Variants in SCFD1 observed in about 807,000 individuals in gnomAD.
SCFD1 encodes the protein sec1 family domain-containing protein 1.
SCFD1 carries 37 observed loss-of-function variants against 103.2 expected under a neutral mutation model. That is an observed-to-expected ratio of 0.36 (90% confidence interval 0.28 to 0.47). The LOEUF (loss-of-function observed/expected upper bound fraction) is 0.47. SCFD1 is among the 20% of genes least tolerant of loss of function. SCFD1 has a pLI of 1.00. For synonymous variants in SCFD1, 264 were observed against 245.0 expected, an observed-to-expected ratio of 1.08 and a Z score of -0.73; for missense variants, 639 against 761.2, an observed-to-expected ratio of 0.84 and a Z score of 1.89.
chr14:30,691,600 G>C (rs1890305636), intron 14 of SCFD1, among the ~76,000 whole-genome samples: 1 of 152,172 alleles, frequency 6.6e-6, no homozygotes, highest in African/African-American at 2.4e-5. Flanking sequence ...TAACAGCTTT[G>C]TTGAGATGTA....
At chr14:30,631,641 A>G (rs894828776) in intron 3 of SCFD1, among the ~76,000 whole-genome samples, 1 of 152,210 alleles carries the variant, frequency 6.6e-6, no homozygotes, top group Non-Finnish European at 1.5e-5. Context: ...TAATCACCAT[A>G]GTGGGCTATC....
intron 23 of SCFD1, among the ~76,000 whole-genome samples, chr14:30,733,071 T>G (rs1184228049): frequency 6.6e-6 from 1 of 151,580 alleles, no homozygotes; most frequent in Non-Finnish European, 1.5e-5. Flanking sequence ...AGTGGCGCAG[T>G]CTTGGCTCAC....
chr14:30,648,100 A>C (rs1886028007), intron 7 of SCFD1, among the ~76,000 whole-genome samples: 1 of 152,248 alleles, frequency 6.6e-6, no homozygotes. Context: ...ACACAGACTT[A>C]GTAGATTATA....
chr14:30,705,692 G>A (rs147225333), intron 17 of SCFD1, 131 bp from the exon 18 acceptor site: 6,930 of 643,490 alleles, frequency 0.011, 57 homozygotes, highest in Non-Finnish European at 0.015. Context: ...ACTTGTATTC[G>A]TTGAAAAATT....
chr14:30,724,448 AC>A (rs1892901819), intron 23 of SCFD1, among the ~76,000 whole-genome samples: 1 of 151,602 alleles, frequency 6.6e-6, no homozygotes, highest in South Asian at 2.1e-4. Context: ...ACACGGAGTT[AC>A]ACCACGTTGG....
chr14:30,633,000 T>G (rs1884336402), intron 3 of SCFD1, among the ~76,000 whole-genome samples: 1 of 152,204 alleles, frequency 6.6e-6, no homozygotes, highest in African/African-American at 2.4e-5. Flanking sequence ...TCTCCTCTAT[T>G]TGCTGGAGAA....
At chr14:30,729,271 TTTC>T (rs1466687366) in intron 23 of SCFD1, among the ~76,000 whole-genome samples, 1 of 152,088 alleles carries the variant, frequency 6.6e-6, no homozygotes. Flanking sequence ...TATCTCTTTT[TTTC>T]TTTTGTTGCC....
At chr14:30,661,887 G>A (rs1311228718) in intron 10 of SCFD1, among the ~76,000 whole-genome samples, 1 of 151,988 alleles carries the variant, frequency 6.6e-6, no homozygotes, top group Admixed American at 6.6e-5. Flanking sequence ...AACTGTTATA[G>A]GTATTGAAAC....
chr14:30,655,757 C>T (rs1321446797), intron 10 of SCFD1, among the ~76,000 whole-genome samples: 2 of 152,112 alleles, frequency 1.3e-5, no homozygotes, highest in African/African-American at 4.8e-5. Context: ...TTGCAAATGG[C>T]AAGACGTTGT....
Position 30,649,472 on chromosome 14 carries a change from A to G in SCFD1, c.614-56A>G, listed in dbSNP as rs1886194929. ...TATTTTTGATGCTGATGTATTTTATAAGTATCTATTTTAATTAAGAGCCAA... is the reference window on the plus strand; with the variant it reads ...TATTTTTGATGCTGATGTATTTTATGAGTATCTATTTTAATTAAGAGCCAA... On this transcript the variant is annotated intron_variant, in intron 7 of 24. Coordinates refer to ENST00000458591, the MANE Select transcript of SCFD1 (RefSeq NM_016106.4). 7.4e-6 allele frequency: 8 copies of G among 1,085,066 alleles called. 1 individual carries two copies. In the South Asian group the frequency reaches 9.6e-5, roughly 13 times the overall value. The allele number at this position is 1,085,066 out of a possible 1,614,324, so 67.2% of individuals were successfully genotyped here.
chr14:30,670,426 AT>A (rs764609058), intron 11 of SCFD1, 31 bp downstream of exon 11: 45 of 1,456,492 alleles, frequency 3.1e-5, no homozygotes, highest in Non-Finnish European at 4.1e-5. Context: ...TAAAAGATTC[AT>A]TTTTTTAAAG....
chr14:30,649,733 T>C (rs1886220822), intron 8 of SCFD1, 150 bp downstream of exon 8: 3 of 628,426 alleles, frequency 4.8e-6, no homozygotes, highest in East Asian at 3.3e-5. Flanking sequence ...ACATTGAGAT[T>C]GCACCGAAGA....
Position 30,719,361 on chromosome 14 carries a change from C to CAT in SCFD1, c.1720_1721insAT (p.Leu574HisfsTer39). ...CTATAGATATTTTGATCCCAAAATG[C>CAT]TGCGGGGCAATGACAGGTAAGCAGC... On this transcript the variant is annotated frameshift_variant, in exon 21 of 25. Transcript: ENST00000458591. LOFTEE classifies it high-confidence loss of function. 1 of 1,606,344 alleles carries CAT rather than the reference C, an allele frequency of 6.2e-7. No homozygotes were observed. The highest frequency in any genetic ancestry group is 8.5e-7 in the Non-Finnish European group (1 of 1,176,874).
At chr14:30,663,023 A>G (rs991758981) in intron 10 of SCFD1, among the ~76,000 whole-genome samples, 1 of 152,238 alleles carries the variant, frequency 6.6e-6, no homozygotes, top group Non-Finnish European at 1.5e-5. Flanking sequence ...ATGATTGAGT[A>G]CAGCACAGGA....
chr14:30,637,336 A>G (rs1884831677), intron 4 of SCFD1, among the ~76,000 whole-genome samples: 1 of 152,064 alleles, frequency 6.6e-6, no homozygotes, highest in African/African-American at 2.4e-5. Context: ...CATGGTTCCC[A>G]GTATCGTGAA....
At chr14:30,641,845 ATG>A (rs1885309455) in intron 6 of SCFD1, among the ~76,000 whole-genome samples, 1 of 152,124 alleles carries the variant, frequency 6.6e-6, no homozygotes, top group Non-Finnish European at 1.5e-5. Context: ...TAAATTTTAT[ATG>A]TGTTTTCACT....
chr14:30,697,153 T>C (rs1890760766), intron 15 of SCFD1, among the ~76,000 whole-genome samples: 1 of 152,200 alleles, frequency 6.6e-6, no homozygotes, highest in Non-Finnish European at 1.5e-5. Context: ...GTAAAGATGC[T>C]GCCTTATAAA....
chr14:30,694,842 C>T lies in SCFD1; in HGVS notation c.1312C>T (p.Leu438Phe), dbSNP rs1890582646. 6.3e-7 allele frequency: 1 copy of T among 1,587,020 alleles called. No individual in the cohort carries two copies. The highest frequency in any genetic ancestry group is 8.5e-7 in the Non-Finnish European group (1 of 1,171,798). The change falls in exon 15 of 25, where the codon CTT (leucine) becomes TTT (phenylalanine). Residue 438 changes from leucine to phenylalanine, a missense_variant. Transcript: ENST00000458591. ...GAGCAAAACTACTCTGGATAAATCT[C>T]TTCTAGATATAATATCAGACCCTGA... The part of the protein sequence containing the change: ...IMSKTTLDKS[L>F]LDIISDPDAG...
intron 23 of SCFD1, among the ~76,000 whole-genome samples, chr14:30,730,307 C>T (rs1016627050): frequency 3.3e-5 from 5 of 151,670 alleles, no homozygotes; most frequent in East Asian, 1.9e-4. Context: ...TGAATAGTGC[C>T]GCAATAAACA....
Sources: gnomAD v4.1 joint callset for allele counts (sites outside exome capture counted in the v4.1 genomes callset) on GRCh38, gnomAD v4.1.1 for gene constraint, MANE v1.5 for transcripts, NCBI Gene and HGNC (gene_info 2026-07-23, HGNC 2026-07-21) for gene names.